TLR6: variants seen among roughly 807,000 people sequenced by gnomAD.
The protein encoded by TLR6 is toll like receptor 6.
TLR6 carries 9 observed loss-of-function variants against 16.1 expected under a neutral mutation model. That is an observed-to-expected ratio of 0.56 (90% CI 0.34 to 0.98). The LOEUF (loss-of-function observed/expected upper bound fraction) is 0.98. Among genes scored for constraint, TLR6 ranks in the 50% least tolerant of loss-of-function variants. TLR6 has a pLI of 0.02. For missense variants in TLR6, 786 were observed against 921.0 expected (o/e 0.85, Z 1.90); for synonymous variants, 340 against 338.6 (o/e 1.00, Z -0.04).
chr4:38,847,299 G>T (rs567240028), intron 1 of TLR6, among the ~76,000 whole-genome samples: 2 of 152,136 alleles, frequency 1.3e-5, no homozygotes, highest in Admixed American at 1.3e-4. Context: ...ACACATTAGG[G>T]GGGGTGGTTC....
chr4:38,846,088 C>CAAAAAA lies in TLR6; in HGVS notation c.-65+10667_-65+10672dup, dbSNP rs10713614. ...GGCTGGGCCACAGAGCGAGACATCT[C>CAAAAAA]AAAAAAAAAAAAAAAAAAAGAAAAG... is the stretch of plus-strand genomic sequence containing the variant. On this transcript the variant is annotated intron_variant, in intron 1 of 1. Coordinates refer to ENST00000436693, the Ensembl canonical transcript of TLR6. 8.2e-5 allele frequency among the ~76,000 whole-genome samples: 8 copies of CAAAAAA among 96,978 alleles called. 1 individual carries two copies. Among genetic ancestry groups the CAAAAAA allele is most frequent in the East Asian group, 6.3e-4 (2 of 3,162 alleles). The allele number at this position is 96,978 out of a possible 152,430, so 63.6% of individuals were successfully genotyped here.
exon 2 of TLR6, chr4:38,823,811 G>T (rs1727416032): frequency 6.6e-6 from 1 of 152,226 alleles, no homozygotes; most frequent in Admixed American, 6.5e-5. Flanking sequence ...GGGGCAATGG[G>T]CCCCGTGGGA....
intron 1 of TLR6, among the ~76,000 whole-genome samples, chr4:38,836,338 C>G (rs1579246772): frequency 6.6e-6 from 1 of 152,038 alleles, no homozygotes; most frequent in South Asian, 2.1e-4. Flanking sequence ...TCATTGGAGG[C>G]AATTATGAAC....
At chr4:38,832,581 C>T (rs1178192816) in intron 1 of TLR6, among the ~76,000 whole-genome samples, 1 of 152,142 alleles carries the variant, frequency 6.6e-6, no homozygotes, top group East Asian at 1.9e-4. Context: ...TACCCTGAGA[C>T]CCAAACAGCT....
At chr4:38,847,492 C>G (rs140461369) in intron 1 of TLR6, among the ~76,000 whole-genome samples, 1,331 of 130,658 alleles carry the variant, frequency 0.01, 17 homozygotes, top group African/African-American at 0.037. Context: ...GAGGCATTGC[C>G]TCACCCGGGA....
intron 1 of TLR6, among the ~76,000 whole-genome samples, chr4:38,849,182 T>G (rs1481708349): frequency 1.3e-5 from 2 of 152,084 alleles, no homozygotes; most frequent in East Asian, 3.8e-4. Flanking sequence ...CAAACTAAGC[T>G]TCATAAGTGA....
downstream of TLR6, among the ~76,000 whole-genome samples, chr4:38,823,129 T>C (rs1260726564): frequency 1.3e-5 from 2 of 152,186 alleles, no homozygotes; most frequent in African/African-American, 4.8e-5. Context: ...CACCTCCCAC[T>C]GGGTCCCTCC....
exon 2 of TLR6, chr4:38,829,320 G>A: frequency 6.2e-7 from 1 of 1,614,164 alleles, no homozygotes; most frequent in Non-Finnish European, 8.5e-7. Context: ...TTGGTTTTCA[G>A]CGGTAGGTCT....
At chr4:38,858,235 ACAAGTC>A (rs1441102207), upstream of TLR6, among the ~76,000 whole-genome samples, 1 of 152,332 alleles carries the variant, frequency 6.6e-6, no homozygotes, top group African/African-American at 2.4e-5. Flanking sequence ...GAGGCTTGGG[ACAAGTC>A]CCTTAACCTC....
rs534340614 is a variant in TLR6 at position 38,845,440 on chromosome 4, C to A, written c.-65+11321G>T. 1.1e-4 allele frequency among the ~76,000 whole-genome samples: 17 copies of A among 152,336 alleles called. No individual in the cohort carries two copies. The East Asian group carries it at 3.3e-3, about 29-fold the overall frequency. ...ACTGATCTTAAAATAGGAAGATTAT[C>A]CTGAATTACTTGGGTGGCCCCAGTA... On this transcript the variant is annotated intron_variant, in intron 1 of 1. Coordinates refer to ENST00000436693, the Ensembl canonical transcript of TLR6.
exon 2 of TLR6, chr4:38,828,885 T>C: frequency 1.2e-6 from 2 of 1,612,936 alleles, no homozygotes; most frequent in Non-Finnish European, 1.7e-6. Flanking sequence ...TGAAGGGTTT[T>C]TGCATTCAGA....
At chr4:38,823,509 T>C (rs1045387818), downstream of TLR6, among the ~76,000 whole-genome samples, 2 of 152,152 alleles carry the variant, frequency 1.3e-5, no homozygotes, top group Non-Finnish European at 2.9e-5. Flanking sequence ...TTTTAACAGG[T>C]CATCTTACTA....
At chr4:38,852,401 G>A (rs945126166) in intron 1 of TLR6, among the ~76,000 whole-genome samples, 12 of 152,284 alleles carry the variant, frequency 7.9e-5, no homozygotes, top group African/African-American at 2.6e-4. Context: ...AAACTAAAGA[G>A]CTTCTGCACA....
intron 1 of TLR6, among the ~76,000 whole-genome samples, chr4:38,838,416 T>A (rs1454605055): frequency 6.6e-6 from 1 of 152,190 alleles, no homozygotes; most frequent in Non-Finnish European, 1.5e-5. Context: ...ATTCAGCCAT[T>A]TAAAATAATT....
downstream of TLR6, among the ~76,000 whole-genome samples, chr4:38,823,289 A>C (rs1232558815): frequency 2.6e-5 from 4 of 152,248 alleles, no homozygotes; most frequent in South Asian, 8.3e-4. Flanking sequence ...CACAAATACT[A>C]AGCATTGTGT....
At chr4:38,845,665 C>A (rs1291476479) in intron 1 of TLR6, among the ~76,000 whole-genome samples, 2 of 152,212 alleles carry the variant, frequency 1.3e-5, no homozygotes, top group East Asian at 1.9e-4. Context: ...AAGAATGCAG[C>A]CTTGCCAGTC....
chr4:38,858,728 AAAG>A (rs1219301349), upstream of TLR6, among the ~76,000 whole-genome samples: 4 of 142,392 alleles, frequency 2.8e-5, no homozygotes. Flanking sequence ...TCAAAAGAAA[AAAG>A]AAAGAAAGAA....
chr4:38,840,183 G>T (rs937517908), intron 1 of TLR6, among the ~76,000 whole-genome samples: 1 of 152,218 alleles, frequency 6.6e-6, no homozygotes, highest in African/African-American at 2.4e-5. Flanking sequence ...ATGTGGCAAT[G>T]ATGAAAAATT....
chr4:38,860,469 C>T (rs147103728), upstream of TLR6, among the ~76,000 whole-genome samples: 1,758 of 141,782 alleles, frequency 0.012, 41 homozygotes, highest in African/African-American at 0.045. Flanking sequence ...GAGACTCTGT[C>T]TCAAAAAAAA....
Sources: allele counts gnomAD v4.1 joint callset (sites outside exome capture counted in the v4.1 genomes callset), GRCh38; gene constraint gnomAD v4.1.1; transcripts MANE v1.5; gene names NCBI Gene and HGNC (gene_info 2026-07-23, HGNC 2026-07-21).